AP3M1: variants seen among roughly 807,000 people sequenced by gnomAD.
AP3M1 encodes the protein AP-3 complex subunit mu-1.
In AP3M1, 29 loss-of-function variants were observed where a neutral mutation model predicts 42.6. The ratio of observed to expected loss-of-function variants is 0.68; its 90% CI spans 0.51 to 0.93. The LOEUF is 0.93. AP3M1 is among the 40% of genes least tolerant of loss of function. The probability of loss-of-function intolerance (pLI) is 0.00; values close to 1 mark genes in which losing one functional copy is unlikely to be tolerated. For missense variants in AP3M1, 416 were observed against 510.2 expected, an observed-to-expected ratio of 0.82 and a Z score of 1.78; for synonymous variants, 178 against 175.3, an observed-to-expected ratio of 1.02 and a Z score of -0.12.
At chr10:74,131,385 T>C (rs1840776217) in intron 4 of AP3M1, among the ~76,000 whole-genome samples, 1 of 152,052 alleles carries the variant, frequency 6.6e-6, no homozygotes, top group Non-Finnish European at 1.5e-5. Context: ...GCCAGGATGG[T>C]CTGGATCTCC....
At chr10:74,131,549 T>G (rs562259905) in intron 4 of AP3M1, among the ~76,000 whole-genome samples, 22 of 151,836 alleles carry the variant, frequency 1.4e-4, no homozygotes, top group African/African-American at 5.1e-4. Flanking sequence ...AATAGAAAGA[T>G]ATCTCTTTTT....
intron 1 of AP3M1, 161 bp downstream of exon 1, chr10:74,150,594 A>G (rs1302241371): frequency 6.5e-6 from 1 of 153,002 alleles, no homozygotes. Context: ...TGCTGGCGAG[A>G]AAGCCCGGAA....
chr10:74,136,518 C>G (rs1401767796), intron 3 of AP3M1, 114 bp downstream of exon 3: 20 of 807,718 alleles, frequency 2.5e-5, no homozygotes, highest in Admixed American at 3.9e-5. Flanking sequence ...TTACCAGTAA[C>G]TTTAATTATG....
At chr10:74,143,170 G>A (rs1050443037) in intron 1 of AP3M1, among the ~76,000 whole-genome samples, 2 of 152,200 alleles carry the variant, frequency 1.3e-5, no homozygotes, top group African/African-American at 4.8e-5. Context: ...GGCCAGCATG[G>A]CAAAACCCTG....
intron 1 of AP3M1, among the ~76,000 whole-genome samples, chr10:74,140,584 T>C (rs984200446): frequency 1.3e-5 from 2 of 151,250 alleles, no homozygotes; most frequent in African/African-American, 2.4e-5. Flanking sequence ...ATTAAAAAGA[T>C]TGAAAAAATA....
intron 8 of AP3M1, 48 bp from the exon 9 acceptor site, chr10:74,123,958 A>C (rs181677968): frequency 7.9e-6 from 12 of 1,511,816 alleles, no homozygotes; most frequent in Middle Eastern, 1.7e-4. Context: ...ATCCCAACCA[A>C]TATAATGTTA....
intron 2 of AP3M1, 135 bp from the exon 3 acceptor site, chr10:74,136,938 G>A (rs1300317758): frequency 3.6e-6 from 2 of 556,344 alleles, no homozygotes; most frequent in Non-Finnish European, 2.7e-6. Context: ...AAAACAGAGC[G>A]GGGGAAAAAA....
intron 1 of AP3M1, among the ~76,000 whole-genome samples, chr10:74,149,035 G>C (rs186511539): frequency 2.4e-4 from 36 of 151,734 alleles, no homozygotes; most frequent in Admixed American, 2.2e-3. Flanking sequence ...ACCACGCCCA[G>C]ATAATTTTTA....
chr10:74,130,894 T>C (rs1840761230), intron 4 of AP3M1, among the ~76,000 whole-genome samples: 1 of 152,050 alleles, frequency 6.6e-6, no homozygotes, highest in Non-Finnish European at 1.5e-5. Context: ...GTAGATTATC[T>C]GAGCTCAGGA....
At chr10:74,130,692 C>T (rs907928751) in intron 4 of AP3M1, among the ~76,000 whole-genome samples, 3 of 152,156 alleles carry the variant, frequency 2.0e-5, no homozygotes, top group Admixed American at 2.0e-4. Context: ...ATCCGCCTAC[C>T]TTAGCTTCCC....
At chr10:74,141,155 A>G (rs767214347) in intron 1 of AP3M1, among the ~76,000 whole-genome samples, 1 of 152,176 alleles carries the variant, frequency 6.6e-6, no homozygotes, top group African/African-American at 2.4e-5. Flanking sequence ...CTTTTACTCA[A>G]TAATAAGAAG....
At chr10:74,149,801 T>C (rs969861540) in intron 1 of AP3M1, among the ~76,000 whole-genome samples, 4 of 152,220 alleles carry the variant, frequency 2.6e-5, no homozygotes, top group African/African-American at 4.8e-5. Flanking sequence ...TTGTATTCTT[T>C]AAAACAAACC....
At position 74,120,280 on chromosome 10, in the gene AP3M1, A is replaced by G. The variant is rs1840394396; in HGVS notation, c.*3530T>C. The G allele has an allele frequency of 6.6e-6, 1 of 152,234 alleles. No homozygotes were observed. Among genetic ancestry groups the G allele is most frequent in the Non-Finnish European group, 1.5e-5 (1 of 68,040 alleles). The allele number at this position is 152,234 out of a possible 1,614,324, so 9.4% of individuals were successfully genotyped here. ...TCTGGAAACTAAAGATTTTTATTTA[A>G]TCCAAATGTTGCACTGGAAGAAGAA... On this transcript the variant is annotated 3_prime_UTR_variant, in exon 9 of 9. Coordinates refer to ENST00000355264, the MANE Select transcript of AP3M1 (RefSeq NM_012095.6).
Position 74,138,344 on chromosome 10 carries a change from A to C in AP3M1, c.36T>G (p.Gly12=). The C allele has an allele frequency of 6.2e-7, 1 of 1,614,134 alleles. No homozygotes were observed. The highest frequency in any genetic ancestry group is 8.5e-7 in the Non-Finnish European group (1 of 1,180,010). ...TCCAGTGCTTCTCTAGAAATATGTC[A>C]CCGGAACAGTTTATGAGAAATAGAC... ...IHSLFLINCS[G]DIFLEKHWKS... is the part of the protein sequence containing the mutation. The change falls in exon 2 of 9, where the codon GGT becomes GGG. Residue 12 remains glycine (G), a synonymous_variant. Transcript: ENST00000355264.
chr10:74,134,247 T>G, intron 3 of AP3M1, 83 bp from the exon 4 acceptor site: 1 of 1,436,018 alleles, frequency 7.0e-7, no homozygotes, highest in African/African-American at 1.4e-5. Flanking sequence ...AAAAGCTGCT[T>G]CTTCAATGTT....
At position 74,123,185 on chromosome 10, in the gene AP3M1, CTTAT is replaced by C. The variant is rs1314891930; in HGVS notation, c.*621_*624del. The C allele has an allele frequency of 6.6e-6, 1 of 152,594 alleles. No individual in the cohort carries two copies. Among genetic ancestry groups the C allele is most frequent in the East Asian group, 1.9e-4 (1 of 5,202 alleles). 9.5% of individuals were successfully genotyped at this position (152,594 alleles called of 1,614,324 possible). On this transcript the variant is annotated 3_prime_UTR_variant, in exon 9 of 9. Coordinates refer to ENST00000355264, the MANE Select transcript of AP3M1 (RefSeq NM_012095.6). ...CAAATTCTAAGCTTTACATAAAAAT[CTTAT>C]TTATAAAAAATACAATACCAAGTAC...
At chr10:74,137,383 TA>T (rs1426460791) in intron 2 of AP3M1, among the ~76,000 whole-genome samples, 1 of 152,248 alleles carries the variant, frequency 6.6e-6, no homozygotes, top group Non-Finnish European at 1.5e-5. Context: ...ATTGAAACAT[TA>T]AATTGGAATT....
intron 6 of AP3M1, chr10:74,128,779 C>G (rs983593417): frequency 1.2e-4 from 23 of 199,474 alleles, no homozygotes; most frequent in Non-Finnish European, 2.1e-4. Context: ...CCATGCATAA[C>G]CTGAGCAAAG....
chr10:74,142,600 G>C (rs1221159939), intron 1 of AP3M1, among the ~76,000 whole-genome samples: 1 of 152,130 alleles, frequency 6.6e-6, no homozygotes, highest in Non-Finnish European at 1.5e-5. Flanking sequence ...TTTGTTTAAA[G>C]CCCTCTGTTT....
Sources: allele counts gnomAD v4.1 joint callset (sites outside exome capture counted in the v4.1 genomes callset), GRCh38; gene constraint gnomAD v4.1.1; transcripts MANE v1.5; gene names NCBI Gene and HGNC (gene_info 2026-07-23, HGNC 2026-07-21).